The following MELTF variants were observed in gnomAD, a reference collection of about 807,000 sequenced individuals.
MELTF encodes antigen p97 (melanoma associated) identified by monoclonal antibodies 133.2 and 96.5.
A neutral mutation model predicts 83.7 loss-of-function variants in MELTF; 67 were observed. The ratio of observed to expected loss-of-function variants is 0.80; its 90% CI spans 0.66 to 0.98. The LOEUF is 0.98. MELTF is among the 50% of genes least tolerant of loss of function. The pLI is 0.00. For missense variants in MELTF, 1,002 were observed against 1,035.6 expected (o/e 0.97, Z 0.44); for synonymous variants, 462 against 447.6 (o/e 1.03, Z -0.41).
chr3:197,013,566 G>C (rs1030750438), intron 9 of MELTF, among the ~76,000 whole-genome samples: 1 of 152,190 alleles, frequency 6.6e-6, no homozygotes, highest in African/African-American at 2.4e-5. Context: ...AGAAAACAAC[G>C]AACAGAGTGA....
Position 197,007,530 on chromosome 3 carries a change from G to A in MELTF, c.1751-794C>T, listed in dbSNP as rs1042939410. Among the ~76,000 whole-genome samples the A allele has an allele frequency of 6.6e-6, 1 of 152,184 alleles. No individual in the cohort carries two copies. Among genetic ancestry groups the A allele is most frequent in the Admixed American group, 6.5e-5 (1 of 15,286 alleles). ...CCCAAGGCCTCTCCAGCACCTGCCC[G>A]CCTCCCCTGACCCCATCCCAGACGA... On this transcript the variant is annotated intron_variant, in intron 13 of 15. Coordinates refer to ENST00000296350, the MANE Select transcript of MELTF (RefSeq NM_005929.6). The surrounding 1 kb of genome is among the most constrained non-coding windows in gnomAD (Gnocchi z 4.3).
rs1301714198 is a variant in MELTF at position 197,024,139 on chromosome 3, G to A, written c.487+164C>T. Among the ~76,000 whole-genome samples the A allele has an allele frequency of 1.3e-5, 2 of 150,792 alleles. No homozygotes were observed. Among genetic ancestry groups the A allele is most frequent in the African/African-American group, 4.9e-5 (2 of 41,144 alleles). On this transcript the variant is annotated intron_variant, in intron 4 of 15. Transcript: ENST00000296350. This position sits in a 1 kb window ranked among gnomAD's most constrained non-coding sequence, Gnocchi z 5.3. ...AAGTCAAGCGGCGGCGCCGGCGGCA[G>A]AGTGGAGGCGGGGGAGGCACGGGGC...
chr3:197,029,578 GC>G lies in MELTF; in HGVS notation c.49+75del, dbSNP rs1720003970. ...AGCCGCAGGCTCAGGCACATTTCCA[GC>G]CCCGGGACCTGCTCAGCCGGGCCGC... On this transcript the variant is annotated intron_variant, in intron 1 of 15. Transcript: ENST00000296350. This position sits in a 1 kb window ranked among gnomAD's most constrained non-coding sequence, Gnocchi z 6.5. 1.7e-6 allele frequency: 2 copies of G among 1,168,868 alleles called. No homozygotes were observed. The highest frequency in any genetic ancestry group is 2.2e-6 in the Non-Finnish European group (2 of 929,244). 72.4% of individuals were successfully genotyped at this position (1,168,868 alleles called of 1,614,324 possible). A position where few individuals can be genotyped will look rare whatever the true frequency, so the allele number is the denominator to read the frequency against.
intron 4 of MELTF, chr3:197,023,856 G>C (rs1200156847): frequency 2.2e-6 from 1 of 458,216 alleles, no homozygotes; most frequent in South Asian, 1.5e-5. Context: ...CGGCTGGTTG[G>C]GCTGATGAGC....
rs187639587 is a variant in MELTF, at chr3:197,010,646, T to C, written c.1330+52A>G. The C allele has an allele frequency of 1.8e-4, 266 of 1,490,612 alleles. 2 individuals are homozygous for C. The East Asian group carries it at 5.4e-3, about 30-fold the overall frequency. 92.3% of individuals were successfully genotyped at this position (1,490,612 alleles called of 1,614,324 possible). On this transcript the variant is annotated intron_variant, in intron 10 of 15. Transcript: ENST00000296350. ...TGAGGGGGGCACTCTTTTATATTTA[T>C]AAAAATATCCCCACCTCCCGGCTGA...
chr3:197,003,179 C>T lies in MELTF; in HGVS notation c.*193G>A, dbSNP rs1338597104. 9.7e-6 allele frequency: 5 copies of T among 517,530 alleles called. No homozygotes were observed. Among genetic ancestry groups the T allele is most frequent in the South Asian group, 8.3e-5 (1 of 12,112 alleles). 32.1% of individuals were successfully genotyped at this position (517,530 alleles called of 1,614,324 possible). A position where few individuals can be genotyped will look rare whatever the true frequency, so the allele number is the denominator to read the frequency against. Reference sequence around the variant, plus strand: ...GGGAGGCGGCGGTTGGCGGGAAGGGCCGCGCGGGCCCGGGGGCGGCGCCTC... The same window carrying T: ...GGGAGGCGGCGGTTGGCGGGAAGGGTCGCGCGGGCCCGGGGGCGGCGCCTC... On this transcript the variant is annotated 3_prime_UTR_variant, in exon 16 of 16. Transcript: ENST00000296350. The surrounding 1 kb of genome is among the most constrained non-coding windows in gnomAD (Gnocchi z 6.2).
At chr3:197,012,119 C>T (rs1203125104) in intron 9 of MELTF, among the ~76,000 whole-genome samples, 1 of 152,210 alleles carries the variant, frequency 6.6e-6, no homozygotes, top group East Asian at 1.9e-4. Context: ...TTCTATCGGG[C>T]CTGCGGAAGC....
chr3:197,001,970 A>T lies in MELTF; in HGVS notation c.*1402T>A, dbSNP rs974862660. ...CTCACCGCACAAAACTCCCTTTTGAAAAAACCAAGCAATCGTCAGGTCGGA... is the reference window on the plus strand; with the variant it reads ...CTCACCGCACAAAACTCCCTTTTGATAAAACCAAGCAATCGTCAGGTCGGA... On this transcript the variant is annotated 3_prime_UTR_variant, in exon 16 of 16. Coordinates refer to ENST00000296350, the MANE Select transcript of MELTF (RefSeq NM_005929.6). 3 of 152,268 alleles carry T rather than the reference A, an allele frequency of 2.0e-5. No individual in the cohort carries two copies. The highest frequency in any genetic ancestry group is 7.2e-5 in the African/African-American group (3 of 41,466). The allele number at this position is 152,268 out of a possible 1,614,324, so 9.4% of individuals were successfully genotyped here.
Position 197,003,625 on chromosome 3 carries a change from C to A in MELTF, c.2138-174G>T, listed in dbSNP as rs1718851655. The A allele has an allele frequency of 1.5e-6, 1 of 648,890 alleles. No individual in the cohort carries two copies. The highest frequency in any genetic ancestry group is 3.0e-5 in the East Asian group (1 of 33,344). 40.2% of individuals were successfully genotyped at this position (648,890 alleles called of 1,614,324 possible). On this transcript the variant is annotated intron_variant, in intron 15 of 15. Coordinates refer to ENST00000296350, the MANE Select transcript of MELTF (RefSeq NM_005929.6). This position sits in a 1 kb window ranked among gnomAD's most constrained non-coding sequence, Gnocchi z 6.2. ...AGATGCGCTCTTTCCAGAAAGGCAG[C>A]ACACGCATGTCTCTGCCGTGGCCCC...
intron 14 of MELTF, chr3:197,004,498 C>A: frequency 4.0e-6 from 1 of 249,476 alleles, no homozygotes; most frequent in South Asian, 4.7e-5. Context: ...TTACAGATAT[C>A]TCCCCACAAA....
At chr3:197,023,584 T>C (rs1445306158) in intron 4 of MELTF, among the ~76,000 whole-genome samples, 9 of 152,158 alleles carry the variant, frequency 5.9e-5, no homozygotes, top group African/African-American at 2.2e-4. Flanking sequence ...CCTGCATGGT[T>C]CTTCCGGCCC....
In MELTF at chr3:197,029,788, C is replaced by G; in HGVS notation, c.-86G>C. On this transcript the variant is annotated 5_prime_UTR_variant, in exon 1 of 16. Transcript: ENST00000296350. This position sits in a 1 kb window ranked among gnomAD's most constrained non-coding sequence, Gnocchi z 6.5. ...AGCAGCCGGGCTTCCTCCCTGCTCCCCCTCGCGCTGGCCCGAGCTCCTTAA... is the reference window on the plus strand; with the variant it reads ...AGCAGCCGGGCTTCCTCCCTGCTCCGCCTCGCGCTGGCCCGAGCTCCTTAA... The G allele has an allele frequency of 1.8e-5, 17 of 962,672 alleles. No homozygotes were observed. The highest frequency in any genetic ancestry group is 2.3e-5 in the Non-Finnish European group (17 of 743,296). The allele number at this position is 962,672 out of a possible 1,614,324, so 59.6% of individuals were successfully genotyped here. A position where few individuals can be genotyped will look rare whatever the true frequency, so the allele number is the denominator to read the frequency against.
intron 3 of MELTF, 139 bp downstream of exon 3, chr3:197,026,521 G>C (rs1719860921): frequency 1.4e-6 from 1 of 706,286 alleles, no homozygotes; most frequent in Non-Finnish European, 2.5e-6. Flanking sequence ...GAGAGCCTTA[G>C]GGCGTTCTTC....
intron 1 of MELTF, chr3:197,028,148 C>G (rs1719941572): frequency 1.9e-6 from 1 of 518,910 alleles, no homozygotes. Flanking sequence ...TGGCTCAGAA[C>G]CCGGCCCTTT....
intron 10 of MELTF, among the ~76,000 whole-genome samples, chr3:197,010,140 T>C (rs1334454168): frequency 1.3e-5 from 2 of 152,230 alleles, no homozygotes; most frequent in African/African-American, 2.4e-5. Flanking sequence ...GAGGCGCAGC[T>C]GAGGCTGCAG....
intron 6 of MELTF, 40 bp from the exon 7 acceptor site, chr3:197,017,330 G>T (rs543921619): frequency 6.8e-7 from 1 of 1,471,296 alleles, no homozygotes; most frequent in Admixed American, 2.5e-5. Flanking sequence ...GCTCCGAAAG[G>T]GGTTGGGGCG....
intron 6 of MELTF, chr3:197,019,138 G>T: frequency 1.0e-6 from 1 of 986,892 alleles, no homozygotes. Context: ...ATTGTTAATG[G>T]CCACATGGTA....
Position 197,008,889 on chromosome 3 carries a change from C to T in MELTF, c.1602G>A (p.Leu534=), listed in dbSNP as rs1333623346. ...PKNYPSSLCA[L]CVGDEQGRNK... ...TGCGGCCCTGCTCGTCCCCCACGCA[C>T]AGTGCACACAGCGAGGAGGGGTAGT... The change falls in exon 12 of 16, where the codon CTG becomes CTA. Residue 534 remains leucine, a synonymous_variant. Coordinates refer to ENST00000296350, the MANE Select transcript of MELTF (RefSeq NM_005929.6). The surrounding 1 kb of genome is among the most constrained non-coding windows in gnomAD (Gnocchi z 5.4). 2.5e-6 allele frequency: 4 copies of T among 1,614,198 alleles called. No individual in the cohort carries two copies. The highest frequency in any genetic ancestry group is 1.7e-6 in the Non-Finnish European group (2 of 1,180,024).
At chr3:197,021,224 T>C in intron 6 of MELTF, 180 bp downstream of exon 6, 1 of 593,034 alleles carries the variant, frequency 1.7e-6, no homozygotes, top group Non-Finnish European at 3.0e-6. Context: ...CTGCCTCTGC[T>C]CTTTTGCAGC....
Sources: gnomAD v4.1 joint callset for allele counts (sites outside exome capture counted in the v4.1 genomes callset) on GRCh38, gnomAD v4.1.1 for gene constraint, Gnocchi (gnomAD v3.1) non-coding constraint, MANE v1.5 for transcripts, NCBI Gene and HGNC (gene_info 2026-07-23, HGNC 2026-07-21) for gene names.